Variants in RBPJ observed in about 807,000 individuals in gnomAD.
RBPJ encodes recombination signal binding protein for immunoglobulin kappa J region, also known as recombining binding protein suppressor of hairless.
In RBPJ, 9 loss-of-function variants were observed where a neutral mutation model predicts 67.8. The observed-to-expected ratio is 0.13, with a 90% confidence interval of 0.08 to 0.23. The LOEUF (loss-of-function observed/expected upper bound fraction) is 0.23. Ranked by LOEUF, RBPJ falls within the 10% of genes least tolerant of loss-of-function variation. The pLI, the probability that RBPJ is intolerant of heterozygous loss-of-function variation, is 1.00. For synonymous variants in RBPJ, 198 were observed against 203.3 expected (o/e 0.97, Z 0.22); for missense variants, 305 against 595.6 (o/e 0.51, Z 5.08).
intron 1 of RBPJ, among the ~76,000 whole-genome samples, chr4:26,278,043 T>G (rs1359242228): frequency 6.6e-6 from 1 of 152,214 alleles, no homozygotes; most frequent in African/African-American, 2.4e-5. Flanking sequence ...ACCTATTATG[T>G]GCCAAGGACA....
intron 3 of RBPJ, among the ~76,000 whole-genome samples, chr4:26,413,397 G>T (rs1258133590): frequency 2.6e-5 from 4 of 152,158 alleles, no homozygotes; most frequent in African/African-American, 9.7e-5. Flanking sequence ...AGCTAATGGA[G>T]TACATATGCA....
rs1196280921 is a variant in RBPJ, at chr4:26,434,037, T to C, written c.*3030T>C. ...CTCTGATCCAATATGTTTTTATTTG[T>C]TCCATTTAATTTATCACATAGATTG... On this transcript the variant is annotated 3_prime_UTR_variant, in exon 11 of 11. Coordinates refer to ENST00000355476, the MANE Select transcript of RBPJ (RefSeq NM_015874.6). 2 of 152,222 alleles carry C rather than the reference T, an allele frequency of 1.3e-5. No individual in the cohort carries two copies. Among genetic ancestry groups the C allele is most frequent in the African/African-American group, 4.8e-5 (2 of 41,460 alleles). 9.4% of individuals were successfully genotyped at this position (152,222 alleles called of 1,614,324 possible).
At chr4:26,157,912 C>T in the RBPJ span, among the ~76,000 whole-genome samples, 1,552 of 152,256 alleles carry the variant, frequency 0.01, 26 homozygotes, top group African/African-American at 0.035. Context: ...GCAAAATAAT[C>T]TTGGATGATC....
At chr4:26,383,348 T>C (rs1002883601) in intron 1 of RBPJ, among the ~76,000 whole-genome samples, 5 of 152,242 alleles carry the variant, frequency 3.3e-5, no homozygotes, top group African/African-American at 9.6e-5. Context: ...AATCTCTTAC[T>C]AGCCATGTAA....
chr4:26,335,505 T>G (rs1245753381), intron 1 of RBPJ, among the ~76,000 whole-genome samples: 2 of 151,736 alleles, frequency 1.3e-5, no homozygotes, highest in Non-Finnish European at 2.9e-5. Flanking sequence ...TTATCAGATA[T>G]TCTGCGTTCT....
intron 1 of RBPJ, among the ~76,000 whole-genome samples, chr4:26,382,985 G>A (rs1367813932): frequency 6.6e-6 from 1 of 152,186 alleles, no homozygotes; most frequent in Non-Finnish European, 1.5e-5. Flanking sequence ...GCATTAGAAA[G>A]ATCAGGATTG....
At chr4:26,386,299 A>C in intron 1 of RBPJ, 54 bp from the exon 2 acceptor site, 3 of 1,233,272 alleles carry the variant, frequency 2.4e-6, no homozygotes, top group Non-Finnish European at 3.5e-6. Flanking sequence ...AGCTTTCTGT[A>C]GAGTGTATCA....
chr4:26,381,696 A>G (rs778087679), intron 1 of RBPJ, among the ~76,000 whole-genome samples: 5 of 152,142 alleles, frequency 3.3e-5, no homozygotes, highest in Non-Finnish European at 5.9e-5. Context: ...TCTTCCCACT[A>G]TCAGCCTGAG....
chr4:26,251,963 A>G (rs568620136), intron 1 of RBPJ, among the ~76,000 whole-genome samples: 1 of 152,256 alleles, frequency 6.6e-6, no homozygotes, highest in African/African-American at 2.4e-5. Flanking sequence ...CAGAAAGACT[A>G]TAATGATGTG....
intron 3 of RBPJ, among the ~76,000 whole-genome samples, chr4:26,414,547 A>C (rs1457455692): frequency 6.6e-6 from 1 of 152,186 alleles, no homozygotes; most frequent in African/African-American, 2.4e-5. Flanking sequence ...TCGAGTTTTC[A>C]GGCCCTCTAG....
intron 1 of RBPJ, among the ~76,000 whole-genome samples, chr4:26,302,811 A>G (rs2109300801): frequency 6.6e-6 from 1 of 152,294 alleles, no homozygotes; most frequent in East Asian, 1.9e-4. Flanking sequence ...TTGGCGCTCA[A>G]TGATTCCAGC....
chr4:26,347,937 GT>G (rs1726336383), intron 1 of RBPJ, among the ~76,000 whole-genome samples: 1 of 111,440 alleles, frequency 9.0e-6, no homozygotes, highest in Non-Finnish European at 2.0e-5. Context: ...TACATCTGCT[GT>G]TTCCTTTTTT....
At chr4:26,325,466 T>C (rs1723526202) in intron 1 of RBPJ, among the ~76,000 whole-genome samples, 1 of 152,182 alleles carries the variant, frequency 6.6e-6, no homozygotes, top group Admixed American at 6.5e-5. Flanking sequence ...CTGAACTGGG[T>C]TCCAATTCTG....
intron 1 of RBPJ, among the ~76,000 whole-genome samples, chr4:26,345,242 A>T (rs1162132878): frequency 6.6e-6 from 1 of 152,246 alleles, no homozygotes; most frequent in East Asian, 1.9e-4. Flanking sequence ...TTAGCCAAAA[A>T]ATATTAGGGG....
chr4:26,217,884 A>G (rs1265612722), intron 1 of RBPJ, among the ~76,000 whole-genome samples: 3 of 152,206 alleles, frequency 2.0e-5, no homozygotes, highest in Non-Finnish European at 4.4e-5. Context: ...TAGCTCCTAC[A>G]GGGCTTCGCA....
upstream of RBPJ, among the ~76,000 whole-genome samples, chr4:26,318,256 C>T (rs927507843): frequency 6.6e-6 from 1 of 151,952 alleles, no homozygotes; most frequent in African/African-American, 2.4e-5. Flanking sequence ...GGGGCTGTGA[C>T]GTGAGCAGGA....
chr4:26,176,094 T>G (rs1716786086), intron 1 of RBPJ, among the ~76,000 whole-genome samples: 5 of 152,326 alleles, frequency 3.3e-5, no homozygotes, highest in South Asian at 2.1e-4. Flanking sequence ...ACAAATAATT[T>G]TTTAGTGTAA....
the RBPJ span, among the ~76,000 whole-genome samples, chr4:26,129,303 G>T: frequency 6.6e-6 from 1 of 152,308 alleles, no homozygotes; most frequent in East Asian, 1.9e-4. Context: ...TTTCAAAGGA[G>T]CCTAAGAGTA....
intron 7 of RBPJ, among the ~76,000 whole-genome samples, chr4:26,425,275 C>T (rs1735521869): frequency 6.6e-6 from 1 of 152,046 alleles, no homozygotes; most frequent in Admixed American, 6.5e-5. Context: ...GGATTTAGGG[C>T]TTTTGTTCAA....
Sources: allele counts gnomAD v4.1 joint callset (sites outside exome capture counted in the v4.1 genomes callset), GRCh38; gene constraint gnomAD v4.1.1; transcripts MANE v1.5; gene names NCBI Gene and HGNC (gene_info 2026-07-23, HGNC 2026-07-21).